The following BPTF variants were observed in gnomAD, a reference collection of about 807,000 sequenced individuals.
BPTF encodes the protein nucleosome-remodeling factor subunit BPTF.
A neutral mutation model predicts 292.5 loss-of-function variants in BPTF; 18 were observed. The ratio of observed to expected loss-of-function variants is 0.06; its 90% CI spans 0.04 to 0.09. BPTF has a LOEUF of 0.09. Ranked by LOEUF, BPTF falls within the 10% of genes least tolerant of loss-of-function variation. The pLI is 1.00. For synonymous variants in BPTF, 1,225 were observed against 1,251.9 expected, an observed-to-expected ratio of 0.98 and a Z score of 0.45; for missense variants, 2,726 against 3,498.7, an observed-to-expected ratio of 0.78 and a Z score of 5.57.
rs756541780 is a variant in BPTF, at chr17:67,854,640, G to A, written c.1314G>A (p.Lys438=). 6 of 1,614,180 alleles carry A rather than the reference G, an allele frequency of 3.7e-6. No individual in the cohort carries two copies. The South Asian group carries it at 5.5e-5, about 15-fold the overall frequency. The stretch of plus-strand genomic sequence containing the variant: ...AGTGTGAAGTCTGTGTAGCACACAA[G>A]GTGCCTGGTGTGACTGACTGTGTTG... ...EWQCEVCVAH[K]VPGVTDCVAE... is the part of the protein sequence containing the mutation. Residue 438 remains lysine (K), a synonymous_variant, in exon 2 of 28, where the codon AAG becomes AAA. Transcript: ENST00000306378. This position sits in a 1 kb window ranked among gnomAD's most constrained non-coding sequence, Gnocchi z 5.6.
chr17:67,918,534 T>C (rs9896792), intron 11 of BPTF, among the ~76,000 whole-genome samples, 180 bp from the exon 12 acceptor site: 18,004 of 152,202 alleles, frequency 0.12, 3,537 homozygotes, highest in African/African-American at 0.41. Context: ...TGCCTATGAA[T>C]GAAGAAGTTT....
At chr17:67,877,020 T>G (rs2060090644) in intron 4 of BPTF, among the ~76,000 whole-genome samples, 5 of 152,082 alleles carry the variant, frequency 3.3e-5, no homozygotes, top group Admixed American at 3.3e-4. Flanking sequence ...GTTCTCTTCT[T>G]GAGTAGAGTA....
chr17:67,907,282 A>G (rs1002561205), intron 9 of BPTF, among the ~76,000 whole-genome samples: 1 of 123,644 alleles, frequency 8.1e-6, no homozygotes, highest in Non-Finnish European at 1.7e-5. Context: ...TGTAATTATT[A>G]TGGGAAATTT....
chr17:67,926,701 T>G (rs1251293310), intron 15 of BPTF, among the ~76,000 whole-genome samples: 2 of 152,192 alleles, frequency 1.3e-5, no homozygotes, highest in Non-Finnish European at 2.9e-5. Flanking sequence ...AGGCATATCC[T>G]CCTATAAATA....
intron 17 of BPTF, 124 bp downstream of exon 17, chr17:67,929,611 T>G (rs2064188595): frequency 8.6e-7 from 1 of 1,157,932 alleles, no homozygotes; most frequent in Admixed American, 2.9e-5. Context: ...TGTGACAGAG[T>G]ACTGATTTGG....
intron 18 of BPTF, among the ~76,000 whole-genome samples, chr17:67,933,275 A>AT (rs1357086055): frequency 6.6e-6 from 1 of 151,410 alleles, no homozygotes; most frequent in Non-Finnish European, 1.5e-5. Context: ...AAAAAAAAAA[A>AT]GGTAAAGATC....
chr17:67,907,505 G>A (rs761263717), intron 9 of BPTF, among the ~76,000 whole-genome samples: 27 of 151,658 alleles, frequency 1.8e-4, no homozygotes, highest in Admixed American at 5.9e-4. Flanking sequence ...ACAAGTACCC[G>A]CCACCACGCC....
At position 67,893,195 on chromosome 17, in the gene BPTF, T is replaced by C. The variant is rs2061237377; in HGVS notation, c.2056-175T>C. The C allele has an allele frequency of 4.9e-6, 3 of 607,258 alleles. No individual in the cohort carries two copies. In the South Asian group the frequency reaches 6.2e-5, roughly 13 times the overall value. 37.6% of individuals were successfully genotyped at this position (607,258 alleles called of 1,614,324 possible). On this transcript the variant is annotated intron_variant, in intron 5 of 27. Coordinates refer to ENST00000306378, the MANE Select transcript of BPTF (RefSeq NM_182641.4). ...CTGCAGGCATATCTTGGTTGTTTAATTGTAAACAATTAGCTTTACTTTTAA... is the reference window on the plus strand; with the variant it reads ...CTGCAGGCATATCTTGGTTGTTTAACTGTAAACAATTAGCTTTACTTTTAA...
intron 15 of BPTF, among the ~76,000 whole-genome samples, chr17:67,927,211 C>T (rs1180999219): frequency 6.6e-6 from 1 of 152,152 alleles, no homozygotes; most frequent in African/African-American, 2.4e-5. Context: ...TACACAACCT[C>T]TCTAGTCTCC....
intron 1 of BPTF, among the ~76,000 whole-genome samples, chr17:67,837,108 T>G (rs1976054): frequency 0.31 from 46,417 of 152,120 alleles, 8,444 homozygotes; most frequent in East Asian, 0.66. Context: ...AGGACCCTCT[T>G]TAAGGTAAAG....
chr17:67,893,441 T>C lies in BPTF; in HGVS notation c.2127T>C (p.Asn709=). The part of the protein sequence containing the change: ...STKKEVIMKG[N]INNYFKLGQE... ...AAAAGGAAGTGATCATGAAAGGAAA[T>C]ATCAACAATTATTTTAAATTGGGTC... Residue 709 remains asparagine (N), a synonymous_variant, in exon 6 of 28, where the codon AAT becomes AAC. Transcript: ENST00000306378. The C allele has an allele frequency of 1.2e-6, 2 of 1,614,122 alleles. No homozygotes were observed. Among genetic ancestry groups the C allele is most frequent in the Non-Finnish European group, 1.7e-6 (2 of 1,180,016 alleles).
chr17:67,965,045 G>GA (rs1555686485), intron 25 of BPTF: 1 of 129,486 alleles, frequency 7.7e-6, no homozygotes, highest in African/African-American at 2.9e-5. Flanking sequence ...TTTTCCTTAT[G>GA]AAAAACAAAA....
intron 18 of BPTF, among the ~76,000 whole-genome samples, chr17:67,938,666 A>G (rs562403745): frequency 6.6e-6 from 1 of 152,366 alleles, no homozygotes; most frequent in South Asian, 2.1e-4. Flanking sequence ...ACCAGGACTA[A>G]GAACATTCTT....
Position 67,945,834 on chromosome 17 carries a change from C to T in BPTF, c.7126C>T (p.Pro2376Ser), listed in dbSNP as rs145519434. The change falls in exon 21 of 28, where the codon CCA becomes TCA. Residue 2376 changes from proline to serine, a missense_variant. Physicochemically the swap from Pro to Ser is moderately conservative, Grantham distance 74. This residue lies in a region of BPTF where 570 missense variants were observed against 633.5 expected (regional missense o/e 0.90). Coordinates refer to ENST00000306378, the MANE Select transcript of BPTF (RefSeq NM_182641.4). ...QVQTTTSQPI[P>S]IQPHTSLQIP... ...TCAGACTACAACCTCACAACCGATT[C>T]CAATTCAACCACATACATCTCTTCA... 2 of 1,614,054 alleles carry T rather than the reference C, an allele frequency of 1.2e-6. No homozygotes were observed. Among genetic ancestry groups the T allele is most frequent in the African/African-American group, 2.7e-5 (2 of 74,930 alleles).
chr17:67,906,447 T>C lies in BPTF; in HGVS notation c.2812+1607T>C, dbSNP rs1299515339. On this transcript the variant is annotated intron_variant, in intron 9 of 27. Coordinates refer to ENST00000306378, the MANE Select transcript of BPTF (RefSeq NM_182641.4). ...TTTAGTATTTAGAATCACCGAACTC[T>C]ATAGAGATGAACTGCTCTTTTAAAA... 1.4e-4 allele frequency among the ~76,000 whole-genome samples: 22 copies of C among 152,308 alleles called. No individual in the cohort carries two copies. The East Asian group carries it at 4.2e-3, about 29-fold the overall frequency.
In BPTF at chr17:67,911,954, A is replaced by G. The variant is rs1450000935; in HGVS notation, c.4070A>G (p.Asn1357Ser). Residue 1357 changes from asparagine (N) to serine (S), a missense_variant, in exon 11 of 28, where the codon AAT (asparagine) becomes AGT (serine). Around this residue, in one of 22 missense-constraint regions of BPTF, gnomAD observed 713 missense variants for 714.9 expected, o/e 1.00. Coordinates refer to ENST00000306378, the MANE Select transcript of BPTF (RefSeq NM_182641.4). ...CTGCCGGTCAAGGGGACTGAAGCAA[A>G]TGGTAAAAAACCAAGTCAGCAGAAG... ...DRLPVKGTEA[N>S]GKKPSQQKKL... The G allele has an allele frequency of 1.9e-6, 3 of 1,614,064 alleles. No individual in the cohort carries two copies. The African/African-American group carries it at 4.0e-5, about 22-fold the overall frequency.
At chr17:67,881,150 A>G (rs573031369) in intron 4 of BPTF, among the ~76,000 whole-genome samples, 2 of 151,996 alleles carry the variant, frequency 1.3e-5, no homozygotes, top group African/African-American at 2.4e-5. Context: ...AGATTTCATG[A>G]TACCCATTAT....
Position 67,945,647 on chromosome 17 carries a change from A to T in BPTF, c.6939A>T (p.Ala2313=). 1 of 1,614,034 alleles carries T rather than the reference A, an allele frequency of 6.2e-7. No homozygotes were observed. The stretch of plus-strand genomic sequence containing the variant: ...TTTCATCCCATGTCCCTTCTGAAGC[A>T]CAACCCACCCACGCACAGTCATCCA... ...TTVSSHVPSE[A]QPTHAQSSKP... is the part of the protein sequence containing the mutation. Residue 2313 remains alanine, a synonymous_variant, in exon 21 of 28, where the codon GCA becomes GCT. Transcript: ENST00000306378.
At chr17:67,832,051 G>A (rs1044015312) in intron 1 of BPTF, among the ~76,000 whole-genome samples, 2 of 151,838 alleles carry the variant, frequency 1.3e-5, no homozygotes, top group African/African-American at 2.4e-5. Flanking sequence ...CACCACGCCC[G>A]TCTAATTTTT....
Sources: gnomAD v4.1 joint callset for allele counts (sites outside exome capture counted in the v4.1 genomes callset) on GRCh38, gnomAD v4.1.1 for gene constraint, gnomAD v4.1.1 regional missense constraint, Gnocchi (gnomAD v3.1) non-coding constraint, MANE v1.5 for transcripts, NCBI Gene and HGNC (gene_info 2026-07-23, HGNC 2026-07-21) for gene names.